OLFM1: variants seen among roughly 807,000 people sequenced by gnomAD.
OLFM1 encodes olfactomedin 1, also known as noelin.
Under a neutral mutation model 49.7 loss-of-function variants are expected in OLFM1, and 9 were observed. The ratio of observed to expected loss-of-function variants is 0.18; its 90% CI spans 0.11 to 0.32. The LOEUF (loss-of-function observed/expected upper bound fraction) is 0.32. Among genes scored for constraint, OLFM1 ranks in the 10% least tolerant of loss-of-function variants. The pLI is 1.00. For synonymous variants in OLFM1, 240 were observed against 271.8 expected (o/e 0.88, Z 1.15); for missense variants, 369 against 661.8 (o/e 0.56, Z 4.85).
chr9:135,101,296 G>A (rs918077056), intron 4 of OLFM1, among the ~76,000 whole-genome samples: 2 of 152,302 alleles, frequency 1.3e-5, no homozygotes, highest in African/African-American at 4.8e-5. Context: ...TCCTGCTGGT[G>A]TGAAGTGTGA....
In OLFM1 at chr9:135,113,236, C is replaced by T. The variant is rs1831047973; in HGVS notation, c.784-6268C>T. Among the ~76,000 whole-genome samples, 1 of 152,018 alleles carries T rather than the reference C, an allele frequency of 6.6e-6. No individual in the cohort carries two copies. The highest frequency in any genetic ancestry group is 2.4e-5 in the African/African-American group (1 of 41,384). On this transcript the variant is annotated intron_variant, in intron 5 of 5. Transcript: ENST00000371793. The surrounding 1 kb of genome is among the most constrained non-coding windows in gnomAD (Gnocchi z 4.0). ...GGTGTCACGGCCTGTCTTGCTGCAT[C>T]CTGGGCTAGTCCGGAGGCCAAGCCC...
intron 5 of OLFM1, among the ~76,000 whole-genome samples, chr9:135,108,645 A>AC (rs946192511): frequency 1.1e-4 from 17 of 151,678 alleles, no homozygotes; most frequent in African/African-American, 3.6e-4. Flanking sequence ...AAAAAAAAAA[A>AC]CAAAAAAAAC....
chr9:135,077,075 T>A, intron 1 of OLFM1: 1 of 1,522,482 alleles, frequency 6.6e-7, no homozygotes, highest in Non-Finnish European at 8.9e-7. Flanking sequence ...CTAGGAGAGG[T>A]TTTCTTGGCC....
intron 2 of OLFM1, among the ~76,000 whole-genome samples, chr9:135,091,569 ACACACAGTCACACACT>A (rs1830690989): frequency 6.6e-6 from 1 of 150,482 alleles, no homozygotes; most frequent in Non-Finnish European, 1.5e-5. Context: ...AGTCACACAC[ACACACAGTCACACACT>A]CACAGTCACA....
intron 1 of OLFM1, chr9:135,076,755 C>A (rs1830471445): frequency 6.8e-7 from 1 of 1,477,440 alleles, no homozygotes; most frequent in Non-Finnish European, 9.0e-7. Flanking sequence ...ACCTTGGCCC[C>A]AAGCCCCAGC....
Position 135,090,424 on chromosome 9 carries a change from AC to A in OLFM1, c.300+81del, listed in dbSNP as rs1830669382. ...TGTGTGTGTACATGCCTGTGTGCTC[AC>A]ACCAGCACCAAGGCTTGGCTAGCTT... On this transcript the variant is annotated intron_variant, in intron 2 of 5. Transcript: ENST00000371793. 2.1e-6 allele frequency: 3 copies of A among 1,416,508 alleles called. No individual in the cohort carries two copies. In the African/African-American group the frequency reaches 4.2e-5, roughly 20 times the overall value. 87.7% of individuals were successfully genotyped at this position (1,416,508 alleles called of 1,614,324 possible).
At chr9:135,109,567 G>A (rs998205169) in intron 5 of OLFM1, among the ~76,000 whole-genome samples, 7 of 152,112 alleles carry the variant, frequency 4.6e-5, no homozygotes, top group East Asian at 1.9e-4. Flanking sequence ...CAAGCCATAC[G>A]CTCAGCACAG....
At position 135,080,536 on chromosome 9, in the gene OLFM1, C is replaced by T. The variant is rs1564265771; in HGVS notation, c.96+4734C>T. The stretch of plus-strand genomic sequence containing the variant: ...CCTCCCCTGGTGGAGAGGCTCCTGA[C>T]ACCAGGGGCGCTGAGCTGTCAATCC... On this transcript the variant is annotated intron_variant, in intron 1 of 5. Coordinates refer to the OLFM1 transcript ENST00000252854. This position sits in a 1 kb window ranked among gnomAD's most constrained non-coding sequence, Gnocchi z 4.5. 6.6e-6 allele frequency among the ~76,000 whole-genome samples: 1 copy of T among 152,040 alleles called. No individual in the cohort carries two copies. The highest frequency in any genetic ancestry group is 1.5e-5 in the Non-Finnish European group (1 of 68,026).
rs75547470 is a variant in OLFM1, at chr9:135,097,976, A to C, written c.457-310A>C. On this transcript the variant is annotated intron_variant, in intron 3 of 5. Coordinates refer to ENST00000371793, the MANE Select transcript of OLFM1 (RefSeq NM_001282611.2). ...TTGCATGCGACTGTAGCTGCATTTC[A>C]TGAATAGTTTGAACCCTTGTCAATG... The C allele has an allele frequency of 5.7e-5, 81 of 1,430,452 alleles. No individual in the cohort carries two copies. The East Asian group carries it at 1.9e-3, about 34-fold the overall frequency. 88.6% of individuals were successfully genotyped at this position (1,430,452 alleles called of 1,614,324 possible).
chr9:135,076,450 T>C, intron 1 of OLFM1: 1 of 1,438,068 alleles, frequency 7.0e-7, no homozygotes, highest in East Asian at 2.5e-5. Flanking sequence ...TCAAACGGGC[T>C]TGTCGTACCC....
At chr9:135,095,546 T>TCAAGAGAAA (rs1830778589) in intron 2 of OLFM1, among the ~76,000 whole-genome samples, 1 of 120,750 alleles carries the variant, frequency 8.3e-6, no homozygotes, top group Admixed American at 8.0e-5. Flanking sequence ...GAGAGAGAGA[T>TCAAGAGAAA]CAAGAGAAAT....
upstream of OLFM1, chr9:135,087,507 G>A: frequency 6.3e-6 from 9 of 1,420,958 alleles, no homozygotes; most frequent in Non-Finnish European, 8.4e-6. Context: ...CCAACTCCTG[G>A]GCGGACTGGA....
At chr9:135,097,449 G>A (rs984872449) in intron 3 of OLFM1, among the ~76,000 whole-genome samples, 2 of 152,208 alleles carry the variant, frequency 1.3e-5, no homozygotes, top group Non-Finnish European at 2.9e-5. Context: ...CCTCTAACGA[G>A]GGGGGTGTCT....
At position 135,094,882 on chromosome 9, in the gene OLFM1, G is replaced by A. The variant is rs552575356; in HGVS notation, c.301-982G>A. 6.6e-5 allele frequency among the ~76,000 whole-genome samples: 10 copies of A among 152,266 alleles called. No individual in the cohort carries two copies. In the South Asian group the frequency reaches 2.1e-3, roughly 32 times the overall value. On this transcript the variant is annotated intron_variant, in intron 2 of 5. Transcript: ENST00000371793. Reference sequence around the variant, plus strand: ...TTTTCAAATTCAGCAGAAAAGTCAGGAGTGAAGATTTGCTGTCATGGAGGT... The same window carrying A: ...TTTTCAAATTCAGCAGAAAAGTCAGAAGTGAAGATTTGCTGTCATGGAGGT...
chr9:135,098,204 C>A lies in OLFM1; in HGVS notation c.457-82C>A. ...AAGCGGGAATATACACACTTTCCCT[C>A]ACCTAGGGAGAAGCCAGGCCAAGGC... On this transcript the variant is annotated intron_variant, in intron 3 of 5. Transcript: ENST00000371793. The surrounding 1 kb of genome is among the most constrained non-coding windows in gnomAD (Gnocchi z 5.6). 6.5e-7 allele frequency: 1 copy of A among 1,535,088 alleles called. No individual in the cohort carries two copies. The highest frequency in any genetic ancestry group is 2.3e-5 in the East Asian group (1 of 44,140).
At chr9:135,097,158 G>C (rs946413570) in intron 3 of OLFM1, among the ~76,000 whole-genome samples, 1 of 152,166 alleles carries the variant, frequency 6.6e-6, no homozygotes, top group African/African-American at 2.4e-5. Flanking sequence ...TGTGCTCCCT[G>C]CATGAGGCAA....
At chr9:135,099,013 C>A (rs1461833098) in intron 4 of OLFM1, among the ~76,000 whole-genome samples, 2 of 152,322 alleles carry the variant, frequency 1.3e-5, no homozygotes, top group East Asian at 1.9e-4. Context: ...AGGGGAGGAG[C>A]CTCTGAGCAA....
rs919661616 is a variant in OLFM1 at position 135,098,191 on chromosome 9, A to G, written c.457-95A>G. On this transcript the variant is annotated intron_variant, in intron 3 of 5. Transcript: ENST00000371793. The surrounding 1 kb of genome is among the most constrained non-coding windows in gnomAD (Gnocchi z 5.6). ...AAGCCTGTAAATAAAGCGGGAATATACACACTTTCCCTCACCTAGGGAGAA... is the reference window on the plus strand; with the variant it reads ...AAGCCTGTAAATAAAGCGGGAATATGCACACTTTCCCTCACCTAGGGAGAA... The G allele has an allele frequency of 4.7e-6, 7 of 1,501,644 alleles. No individual in the cohort carries two copies. The highest frequency in any genetic ancestry group is 2.8e-5 in the African/African-American group (2 of 71,524). 93.0% of individuals were successfully genotyped at this position (1,501,644 alleles called of 1,614,324 possible). A position where few individuals can be genotyped will look rare whatever the true frequency, so the allele number is the denominator to read the frequency against.
chr9:135,091,781 TCACA>T (rs1246347317), intron 2 of OLFM1, among the ~76,000 whole-genome samples: 2 of 70,202 alleles, frequency 2.8e-5, no homozygotes, highest in African/African-American at 1.3e-4. Flanking sequence ...ACACACACAC[TCACA>T]CATAGTCACA....
Sources: allele counts gnomAD v4.1 joint callset (sites outside exome capture counted in the v4.1 genomes callset), GRCh38; gene constraint gnomAD v4.1.1; non-coding constraint Gnocchi (gnomAD v3.1); transcripts MANE v1.5; gene names NCBI Gene and HGNC (gene_info 2026-07-23, HGNC 2026-07-21).